The following SLC35F1 variants were observed in gnomAD, a reference collection of about 807,000 sequenced individuals.
The protein encoded by SLC35F1 is solute carrier family 35 member F1.
A neutral mutation model predicts 48.7 loss-of-function variants in SLC35F1; 14 were observed. The ratio of observed to expected loss-of-function variants is 0.29; its 90% CI spans 0.19 to 0.45. SLC35F1 has a LOEUF of 0.45. Ranked by LOEUF, SLC35F1 falls within the 20% of genes least tolerant of loss-of-function variation. The pLI, the probability that SLC35F1 is intolerant of heterozygous loss-of-function variation, is 1.00. For missense variants in SLC35F1, 404 were observed against 500.0 expected, an observed-to-expected ratio of 0.81 and a Z score of 1.83; for synonymous variants, 190 against 202.2, an observed-to-expected ratio of 0.94 and a Z score of 0.51.
chr6:117,924,585 C>G (rs1776004673), intron 1 of SLC35F1, among the ~76,000 whole-genome samples: 1 of 137,180 alleles, frequency 7.3e-6, no homozygotes, highest in African/African-American at 2.8e-5. Context: ...TTCTGTTAAC[C>G]TAGTTGGCTT....
Position 118,102,928 on chromosome 6 carries a change from G to C in SLC35F1, c.174-51517G>C, listed in dbSNP as rs554894794. Among the ~76,000 whole-genome samples, 47 of 152,300 alleles carry C rather than the reference G, an allele frequency of 3.1e-4. 1 individual carries two copies. The South Asian group carries it at 8.1e-3, about 26-fold the overall frequency. On this transcript the variant is annotated intron_variant, in intron 1 of 7. Coordinates refer to ENST00000360388, the MANE Select transcript of SLC35F1 (RefSeq NM_001029858.4). Reference sequence around the variant, plus strand: ...TTTGCATCTGCACAGATCTAGATTTGCACCCGTGTTTTGTGCTTAATAGTC... The same window carrying C: ...TTTGCATCTGCACAGATCTAGATTTCCACCCGTGTTTTGTGCTTAATAGTC...
intron 1 of SLC35F1, among the ~76,000 whole-genome samples, chr6:117,937,750 A>T (rs1380398357): frequency 2.6e-5 from 4 of 152,114 alleles, no homozygotes; most frequent in Non-Finnish European, 5.9e-5. Context: ...GCAAAAACAC[A>T]AGGTCCCAAT....
chr6:118,217,908 C>G (rs1775096891), intron 2 of SLC35F1, among the ~76,000 whole-genome samples: 1 of 152,160 alleles, frequency 6.6e-6, no homozygotes, highest in Non-Finnish European at 1.5e-5. Flanking sequence ...CCTGATAATG[C>G]CAGCCACATG....
chr6:118,023,220 A>G (rs532918324), intron 1 of SLC35F1, among the ~76,000 whole-genome samples: 116 of 152,330 alleles, frequency 7.6e-4, no homozygotes, highest in African/African-American at 2.7e-3. Flanking sequence ...GTATCTTAAA[A>G]GTCAGTGAAG....
intron 3 of SLC35F1, among the ~76,000 whole-genome samples, chr6:118,254,002 G>A (rs977186065): frequency 9.2e-5 from 14 of 151,942 alleles, no homozygotes; most frequent in African/African-American, 3.4e-4. Flanking sequence ...CAGGAGGGAA[G>A]TGGGATAGCT....
chr6:118,311,488 T>A (rs1776371037), intron 7 of SLC35F1, among the ~76,000 whole-genome samples: 1 of 152,150 alleles, frequency 6.6e-6, no homozygotes, highest in African/African-American at 2.4e-5. Context: ...ATCAGGAGAC[T>A]ATTGAAAAAA....
chr6:118,196,254 T>A (rs1483501977), intron 2 of SLC35F1, among the ~76,000 whole-genome samples: 4 of 152,242 alleles, frequency 2.6e-5, no homozygotes, highest in Non-Finnish European at 5.9e-5. Context: ...TGTAGGCACA[T>A]GTTTCTAAGT....
intron 4 of SLC35F1, among the ~76,000 whole-genome samples, chr6:118,269,547 AT>A (rs899410544): frequency 5.9e-5 from 9 of 151,308 alleles, no homozygotes; most frequent in African/African-American, 2.0e-4. Flanking sequence ...CAGAGAACAT[AT>A]TTTTTTAAAG....
intron 1 of SLC35F1, among the ~76,000 whole-genome samples, chr6:118,129,267 G>A (rs1323920907): frequency 2.0e-5 from 3 of 152,180 alleles, no homozygotes; most frequent in South Asian, 2.1e-4. Context: ...GTGGGGAGAT[G>A]AGAAGTGGCT....
intron 1 of SLC35F1, among the ~76,000 whole-genome samples, chr6:118,084,443 C>G (rs1772955589): frequency 6.6e-6 from 1 of 152,138 alleles, no homozygotes; most frequent in Non-Finnish European, 1.5e-5. Flanking sequence ...CGATACAAGG[C>G]TGTTCTCTGA....
intron 1 of SLC35F1, among the ~76,000 whole-genome samples, chr6:118,073,991 A>T (rs1772781417): frequency 6.6e-6 from 1 of 152,216 alleles, no homozygotes; most frequent in African/African-American, 2.4e-5. Context: ...GCTTGTCAAA[A>T]TTGAAAAATG....
chr6:118,154,241 C>T (rs552121977), intron 1 of SLC35F1, among the ~76,000 whole-genome samples: 1 of 152,272 alleles, frequency 6.6e-6, no homozygotes, highest in South Asian at 2.1e-4. Flanking sequence ...ACTCCTTAAC[C>T]ACTCTAAGTT....
chr6:118,149,697 TC>T (rs962564275), intron 1 of SLC35F1, among the ~76,000 whole-genome samples: 2 of 152,164 alleles, frequency 1.3e-5, no homozygotes, highest in Non-Finnish European at 2.9e-5. Context: ...ATTTGTATTC[TC>T]CATCAAATCA....
At chr6:118,043,988 A>G (rs1355099160) in intron 1 of SLC35F1, among the ~76,000 whole-genome samples, 1 of 152,216 alleles carries the variant, frequency 6.6e-6, no homozygotes, top group African/African-American at 2.4e-5. Flanking sequence ...TGACAGAGGA[A>G]GGCAAAAGGG....
chr6:118,107,424 G>T (rs1407766878), intron 1 of SLC35F1, among the ~76,000 whole-genome samples: 2 of 152,152 alleles, frequency 1.3e-5, no homozygotes, highest in Non-Finnish European at 2.9e-5. Context: ...ACTACAGGGG[G>T]AACATATGCA....
intron 2 of SLC35F1, among the ~76,000 whole-genome samples, chr6:118,213,697 C>G (rs1028945146): frequency 1.3e-5 from 2 of 151,934 alleles, no homozygotes; most frequent in African/African-American, 2.4e-5. Flanking sequence ...GAAAAAAATC[C>G]AAGTTGCAAA....
At chr6:118,261,848 G>T (rs886468828) in intron 3 of SLC35F1, among the ~76,000 whole-genome samples, 1 of 152,088 alleles carries the variant, frequency 6.6e-6, no homozygotes, top group Admixed American at 6.6e-5. Context: ...CCCCTCTGGG[G>T]CTGGGATGTG....
At chr6:118,137,818 A>T (rs1216416606) in intron 1 of SLC35F1, among the ~76,000 whole-genome samples, 1 of 152,020 alleles carries the variant, frequency 6.6e-6, no homozygotes, top group Non-Finnish European at 1.5e-5. Flanking sequence ...CATTTATAGA[A>T]CCTACCATAG....
At chr6:118,009,728 AGTAAAACT>A (rs1377113992) in intron 1 of SLC35F1, among the ~76,000 whole-genome samples, 1 of 152,180 alleles carries the variant, frequency 6.6e-6, no homozygotes, top group Admixed American at 6.5e-5. Flanking sequence ...TTATGCACTC[AGTAAAACT>A]GAGTGCACAA....
Sources: allele counts gnomAD v4.1 joint callset (sites outside exome capture counted in the v4.1 genomes callset), GRCh38; gene constraint gnomAD v4.1.1; transcripts MANE v1.5; gene names NCBI Gene and HGNC (gene_info 2026-07-23, HGNC 2026-07-21).